PKD2: variants seen among roughly 807,000 people sequenced by gnomAD.
PKD2 encodes polycystin 2, transient receptor potential cation channel.
In PKD2, 48 loss-of-function variants were observed where a neutral mutation model predicts 105.9. The observed-to-expected ratio is 0.45, with a 90% CI of 0.36 to 0.58. The LOEUF (loss-of-function observed/expected upper bound fraction) is 0.58. Ranked by LOEUF, PKD2 falls within the 20% of genes least tolerant of loss-of-function variation. PKD2 has a pLI of 0.00. For missense variants in PKD2, 1,078 were observed against 1,255.3 expected, an observed-to-expected ratio of 0.86 and a Z score of 2.13; for synonymous variants, 464 against 481.1, an observed-to-expected ratio of 0.96 and a Z score of 0.46.
At chr4:88,014,500 A>AC (rs1726495581) in intron 1 of PKD2, among the ~76,000 whole-genome samples, 1 of 151,620 alleles carries the variant, frequency 6.6e-6, no homozygotes, top group Non-Finnish European at 1.5e-5. Context: ...AAAAAAAAAA[A>AC]ATTCAAGATT....
chr4:88,050,040 T>A (rs1719994518), intron 6 of PKD2, among the ~76,000 whole-genome samples: 2 of 145,718 alleles, frequency 1.4e-5, no homozygotes, highest in South Asian at 4.7e-4. Context: ...AGTGGCACCA[T>A]CTCGGCTCAC....
chr4:88,019,688 T>TA (rs1435424566), intron 2 of PKD2, 117 bp downstream of exon 2: 4 of 699,978 alleles, frequency 5.7e-6, no homozygotes. Flanking sequence ...GTTACCTTCT[T>TA]ACCTTTGTTT....
intron 6 of PKD2, among the ~76,000 whole-genome samples, chr4:88,047,336 C>T (rs2728107): frequency 0.076 from 11,576 of 151,704 alleles, 656 homozygotes; most frequent in East Asian, 0.25. Flanking sequence ...GCAGGAGGAT[C>T]ACTTAAGCCC....
intron 6 of PKD2, among the ~76,000 whole-genome samples, chr4:88,049,156 A>G (rs962300196): frequency 4.6e-5 from 7 of 152,240 alleles, no homozygotes; most frequent in Admixed American, 1.3e-4. Context: ...AGCTTTGACT[A>G]CTACACACCC....
In PKD2 at chr4:88,077,207, A is replaced by C. The variant is rs1721266035; in HGVS notation, c.*1513A>C. 1 of 152,652 alleles carries C rather than the reference A, an allele frequency of 6.6e-6. No individual in the cohort carries two copies. 9.5% of individuals were successfully genotyped at this position (152,652 alleles called of 1,614,324 possible). On this transcript the variant is annotated 3_prime_UTR_variant, in exon 15 of 15. Transcript: ENST00000237596. ...ACAAGTTGTTCATTTAACTGGTAGA[A>C]TGTCAGTCCAATCTCCAATGAGAAC...
intron 4 of PKD2, among the ~76,000 whole-genome samples, chr4:88,039,066 A>G (rs1727452215): frequency 6.6e-6 from 1 of 152,180 alleles, no homozygotes; most frequent in African/African-American, 2.4e-5. Flanking sequence ...CTTGTGTATT[A>G]AGGGAGGTCA....
At chr4:88,057,705 A>T (rs1459901367) in intron 8 of PKD2, among the ~76,000 whole-genome samples, 1 of 152,154 alleles carries the variant, frequency 6.6e-6, no homozygotes, top group Non-Finnish European at 1.5e-5. Flanking sequence ...AAGTGCTGGG[A>T]TTACAGACGT....
intron 3 of PKD2, among the ~76,000 whole-genome samples, 190 bp from the exon 4 acceptor site, chr4:88,038,061 G>C (rs926438860): frequency 1.3e-5 from 2 of 152,184 alleles, no homozygotes; most frequent in Middle Eastern, 3.2e-3. Context: ...AGAGGACCCT[G>C]CTCAAGGCCT....
chr4:88,029,892 T>C (rs1286274958), intron 2 of PKD2, among the ~76,000 whole-genome samples: 1 of 152,202 alleles, frequency 6.6e-6, no homozygotes, highest in Non-Finnish European at 1.5e-5. Flanking sequence ...AGCCAGTTCC[T>C]GGAGAGCAGA....
chr4:88,019,053 GT>G (rs1051143822), intron 1 of PKD2, among the ~76,000 whole-genome samples: 3 of 152,172 alleles, frequency 2.0e-5, no homozygotes, highest in African/African-American at 7.2e-5. Context: ...TCTTAACTGG[GT>G]TTAGTAGTAG....
Position 88,007,960 on chromosome 4 carries a change from C to T in PKD2, c.227C>T (p.Ser76Phe). ...CCGGCCGGAGCCGCGGCCTCCCCTT[C>T]TCCTCCGCTCTCGTCGTGCTCCCGG... The part of the protein sequence containing the change: ...DPPAGAAASP[S>F]PPLSSCSRQA... Residue 76 changes from serine (S) to phenylalanine (F), a missense_variant, in exon 1 of 15, where the codon TCT becomes TTT. Physicochemically the swap from Ser to Phe is radical, Grantham distance 155. Around this residue, in one of 2 missense-constraint regions of PKD2, gnomAD observed 210 missense variants for 187.9 expected, o/e 1.12. Coordinates refer to ENST00000237596, the MANE Select transcript of PKD2 (RefSeq NM_000297.4). 6.7e-7 allele frequency: 1 copy of T among 1,488,796 alleles called. No individual in the cohort carries two copies. Among genetic ancestry groups the T allele is most frequent in the Non-Finnish European group, 8.9e-7 (1 of 1,121,922 alleles). 92.2% of individuals were successfully genotyped at this position (1,488,796 alleles called of 1,614,324 possible).
Position 88,054,453 on chromosome 4 carries a change from A to G in PKD2, c.1717-1633A>G, listed in dbSNP as rs1031353163. Among the ~76,000 whole-genome samples, 23 of 151,980 alleles carry G rather than the reference A, an allele frequency of 1.5e-4. 1 individual carries two copies. The highest frequency in any genetic ancestry group is 5.2e-4 in the Admixed American group (8 of 15,250). ...ATTGGGATTGTATTAAGTAATGATT[A>G]AGTAATGTGATTACAGCAATCCTCA... is the stretch of plus-strand genomic sequence containing the variant. On this transcript the variant is annotated intron_variant, in intron 7 of 14. Coordinates refer to ENST00000237596, the MANE Select transcript of PKD2 (RefSeq NM_000297.4).
rs776437852 is a variant in PKD2 at position 88,061,887 on chromosome 4, T to G, written c.2020-19T>G. The G allele has an allele frequency of 5.1e-6, 6 of 1,175,620 alleles. No individual in the cohort carries two copies. In the East Asian group the frequency reaches 1.4e-4, roughly 28 times the overall value. The allele number at this position is 1,175,620 out of a possible 1,614,324, so 72.8% of individuals were successfully genotyped here. A position where few individuals can be genotyped will look rare whatever the true frequency, so the allele number is the denominator to read the frequency against. On this transcript the variant is annotated intron_variant, in intron 9 of 14. Transcript: ENST00000237596. Reference sequence around the variant, plus strand: ...ATGTTTCTTCCTTTAATTTTTGCCCTCCTTTCATTTACAAACAGAATATGT... The same window carrying G: ...ATGTTTCTTCCTTTAATTTTTGCCCGCCTTTCATTTACAAACAGAATATGT...
intron 3 of PKD2, 25 bp downstream of exon 3, chr4:88,036,378 A>G (rs1483573695): frequency 1.9e-6 from 3 of 1,609,496 alleles, no homozygotes; most frequent in Non-Finnish European, 8.5e-7. Context: ...CTTTGAAAGT[A>G]CCTCTCTATC....
At chr4:88,021,737 A>G (rs772273596) in intron 2 of PKD2, among the ~76,000 whole-genome samples, 1 of 152,234 alleles carries the variant, frequency 6.6e-6, no homozygotes, top group Non-Finnish European at 1.5e-5. Flanking sequence ...TCTATCTCTT[A>G]TAACTTCTAC....
At chr4:88,038,218 G>T in intron 3 of PKD2, 33 bp from the exon 4 acceptor site, 1 of 1,613,334 alleles carries the variant, frequency 6.2e-7, no homozygotes, top group South Asian at 1.1e-5. Flanking sequence ...GCTGAGCTTG[G>T]AACTTTTTCA....
chr4:88,019,054 T>C (rs1726657451), intron 1 of PKD2, among the ~76,000 whole-genome samples: 1 of 152,224 alleles, frequency 6.6e-6, no homozygotes, highest in South Asian at 2.1e-4. Flanking sequence ...CTTAACTGGG[T>C]TTAGTAGTAG....
chr4:88,046,805 A>G lies in PKD2; in HGVS notation c.1483A>G (p.Ile495Val). The change falls in exon 6 of 15, where the codon ATT becomes GTT. Residue 495 changes from isoleucine to valine, a missense_variant. Transcript: ENST00000237596. ...CTATGTGGTGGAAGAGATATTGGAA[A>G]TTCGCATTCACAAACTACACTATTT... ...FYYVVEEILEIRIHKLHYFRS... is the reference protein window; with the variant it reads ...FYYVVEEILEVRIHKLHYFRS... 6.2e-7 allele frequency: 1 copy of G among 1,612,176 alleles called. No individual in the cohort carries two copies. The highest frequency in any genetic ancestry group is 1.1e-5 in the South Asian group (1 of 91,040).
At position 88,028,119 on chromosome 4, in the gene PKD2, G is replaced by A. The variant is rs577120450; in HGVS notation, c.710-8101G>A. ...TATGGTGTATGTACTAGGACAGGAAGAGCCCTTTTAAGAAGAGATCTATGT... is the reference window on the plus strand; with the variant it reads ...TATGGTGTATGTACTAGGACAGGAAAAGCCCTTTTAAGAAGAGATCTATGT... On this transcript the variant is annotated intron_variant, in intron 2 of 14. Coordinates refer to ENST00000237596, the MANE Select transcript of PKD2 (RefSeq NM_000297.4). 5.9e-5 allele frequency among the ~76,000 whole-genome samples: 9 copies of A among 152,332 alleles called. No homozygotes were observed. The East Asian group carries it at 1.2e-3, about 20-fold the overall frequency.
Sources: allele counts gnomAD v4.1 joint callset (sites outside exome capture counted in the v4.1 genomes callset), GRCh38; gene constraint gnomAD v4.1.1; regional missense constraint gnomAD v4.1.1; transcripts MANE v1.5; gene names NCBI Gene and HGNC (gene_info 2026-07-23, HGNC 2026-07-21).